The following PRKCB variants were observed in gnomAD, a reference collection of about 807,000 sequenced individuals.
PRKCB encodes protein kinase C beta.
A neutral mutation model predicts 81.5 loss-of-function variants in PRKCB; 13 were observed. The ratio of observed to expected loss-of-function variants is 0.16; its 90% CI spans 0.10 to 0.25. PRKCB has a LOEUF of 0.25. PRKCB is among the 10% of genes least tolerant of loss of function. PRKCB has a pLI of 1.00. For synonymous variants in PRKCB, 335 were observed against 321.4 expected (o/e 1.04, Z -0.45); for missense variants, 509 against 875.7 (o/e 0.58, Z 5.29).
Position 24,215,562 on chromosome 16 carries a change from C to A in PRKCB, c.*746C>A. ...AACAACACAGTCACTCTAGCAAGGC[C>A]CCCAAAGGGCCCTGGTTTTACATTA... On this transcript the variant is annotated 3_prime_UTR_variant, in exon 17 of 17. Coordinates refer to ENST00000643927, the MANE Select transcript of PRKCB (RefSeq NM_002738.7). 1 of 985,598 alleles carries A rather than the reference C, an allele frequency of 1.0e-6. No homozygotes were observed. Among genetic ancestry groups the A allele is most frequent in the Non-Finnish European group, 1.2e-6 (1 of 829,872 alleles). The allele number at this position is 985,598 out of a possible 1,614,324, so 61.1% of individuals were successfully genotyped here.
intron 13 of PRKCB, among the ~76,000 whole-genome samples, chr16:24,182,340 G>A (rs936500935): frequency 2.6e-5 from 4 of 152,024 alleles, no homozygotes; most frequent in African/African-American, 9.7e-5. Context: ...ACAACATAGT[G>A]AGACCCTAAT....
intron 2 of PRKCB, among the ~76,000 whole-genome samples, chr16:23,866,380 A>G (rs1443627208): frequency 6.6e-6 from 1 of 152,246 alleles, no homozygotes; most frequent in Non-Finnish European, 1.5e-5. Context: ...ATTTAAGTTC[A>G]TAAGAAATGC....
chr16:24,175,635 A>G (rs1405617351), intron 12 of PRKCB, among the ~76,000 whole-genome samples: 1 of 151,810 alleles, frequency 6.6e-6, no homozygotes, highest in East Asian at 2.0e-4. Flanking sequence ...GGGTGACTTG[A>G]GAGTCCTGGG....
At chr16:23,872,020 AG>A (rs1405869722) in intron 2 of PRKCB, among the ~76,000 whole-genome samples, 2 of 152,188 alleles carry the variant, frequency 1.3e-5, no homozygotes, top group Non-Finnish European at 2.9e-5. Flanking sequence ...GCTGGCACTC[AG>A]GGGGTGCTCA....
chr16:23,863,146 G>A (rs1567293306), intron 2 of PRKCB, among the ~76,000 whole-genome samples: 3 of 144,146 alleles, frequency 2.1e-5, no homozygotes, highest in Non-Finnish European at 3.0e-5. Flanking sequence ...ATGTGTATGT[G>A]TATATATATA....
chr16:24,034,387 A>G (rs990387212), intron 4 of PRKCB, among the ~76,000 whole-genome samples: 3 of 152,196 alleles, frequency 2.0e-5, no homozygotes, highest in African/African-American at 7.2e-5. Flanking sequence ...GGCTTCTCCA[A>G]CTGGAACTAG....
At chr16:24,123,287 C>T (rs748374161) in intron 8 of PRKCB, among the ~76,000 whole-genome samples, 6 of 152,106 alleles carry the variant, frequency 3.9e-5, no homozygotes, top group East Asian at 3.9e-4. Context: ...TTGGAGGGGC[C>T]TGGGACATCC....
At position 24,045,372 on chromosome 16, in the gene PRKCB, T is replaced by C. The variant is rs184758957; in HGVS notation, c.529+9825T>C. Among the ~76,000 whole-genome samples the C allele has an allele frequency of 1.2e-4, 18 of 152,248 alleles. No homozygotes were observed. The East Asian group carries it at 3.1e-3, about 26-fold the overall frequency. On this transcript the variant is annotated intron_variant, in intron 5 of 16. Transcript: ENST00000643927. Reference sequence around the variant, plus strand: ...TGTGAGCTGGGCCTGTTCTCCGAGTTTCATGGTGTTTGATGTTTTTTGCCT... The same window carrying C: ...TGTGAGCTGGGCCTGTTCTCCGAGTCTCATGGTGTTTGATGTTTTTTGCCT...
Position 24,027,806 on chromosome 16 carries a change from C to A in PRKCB, c.289-4330C>A, listed in dbSNP as rs141324073. Among the ~76,000 whole-genome samples the A allele has an allele frequency of 7.3e-3, 1,112 of 152,256 alleles. 9 individuals carry two copies. Among genetic ancestry groups the A allele is most frequent in the African/African-American group, 0.013 (551 of 41,556 alleles). On this transcript the variant is annotated intron_variant, in intron 3 of 16. Coordinates refer to ENST00000643927, the MANE Select transcript of PRKCB (RefSeq NM_002738.7). ...TTTTTTTGAGACAGGGTCTTGCTCTCCCACCCATGCTGGAGTCCAGTGGCG... is the reference window on the plus strand; with the variant it reads ...TTTTTTTGAGACAGGGTCTTGCTCTACCACCCATGCTGGAGTCCAGTGGCG...
chr16:23,873,033 T>TAA (rs199840034), intron 2 of PRKCB, among the ~76,000 whole-genome samples: 1 of 145,280 alleles, frequency 6.9e-6, no homozygotes, highest in African/African-American at 2.6e-5. Flanking sequence ...AAATAAAAAA[T>TAA]AAAAAAAAAA....
chr16:24,113,480 T>TCTTC (rs761958849), intron 8 of PRKCB, among the ~76,000 whole-genome samples: 1 of 149,990 alleles, frequency 6.7e-6, no homozygotes, highest in Non-Finnish European at 1.5e-5. Flanking sequence ...CTTCTTCCTT[T>TCTTC]CTTCCTTCCT....
At chr16:23,851,948 C>T (rs937467754) in intron 2 of PRKCB, among the ~76,000 whole-genome samples, 1 of 152,058 alleles carries the variant, frequency 6.6e-6, no homozygotes, top group Non-Finnish European at 1.5e-5. Context: ...AGAAACACTA[C>T]TGATTGTATG....
chr16:23,860,449 AAGTCAGG>A, intron 2 of PRKCB, among the ~76,000 whole-genome samples: 1 of 152,152 alleles, frequency 6.6e-6, no homozygotes, highest in Non-Finnish European at 1.5e-5. Flanking sequence ...AAGTCATGAG[AAGTCAGG>A]GATAGAGGTA....
chr16:23,911,978 C>T (rs553701648), intron 2 of PRKCB, among the ~76,000 whole-genome samples: 79 of 151,378 alleles, frequency 5.2e-4, no homozygotes, highest in African/African-American at 1.6e-3. Flanking sequence ...ATTTCAGGTG[C>T]GCACCACCAT....
At chr16:24,128,217 A>G (rs1280509543) in intron 9 of PRKCB, among the ~76,000 whole-genome samples, 1 of 152,200 alleles carries the variant, frequency 6.6e-6, no homozygotes, top group Non-Finnish European at 1.5e-5. Flanking sequence ...TCTACTAAAA[A>G]TACAAAAATT....
chr16:24,124,689 G>A (rs1276567650), intron 9 of PRKCB, among the ~76,000 whole-genome samples: 1 of 152,086 alleles, frequency 6.6e-6, no homozygotes, highest in Non-Finnish European at 1.5e-5. Context: ...GTGTTGTTTT[G>A]GGGTTTTTAG....
intron 2 of PRKCB, among the ~76,000 whole-genome samples, chr16:23,886,404 G>GTTT (rs1963200497): frequency 3.9e-5 from 4 of 103,352 alleles, no homozygotes; most frequent in Non-Finnish European, 7.5e-5. Flanking sequence ...GGTGTGTTAG[G>GTTT]TGTTTTTTTT....
chr16:24,165,889 T>C (rs925457549), intron 10 of PRKCB, among the ~76,000 whole-genome samples: 3 of 132,186 alleles, frequency 2.3e-5, no homozygotes, highest in African/African-American at 3.4e-5. Context: ...CTTTCTTTTT[T>C]TTTTTTTTTT....
chr16:24,155,518 G>T (rs1262773083), intron 10 of PRKCB, among the ~76,000 whole-genome samples: 2 of 152,178 alleles, frequency 1.3e-5, no homozygotes, highest in African/African-American at 4.8e-5. Flanking sequence ...GGATGGAGAG[G>T]CCAGAGCCCA....
Sources: gnomAD v4.1 joint callset for allele counts (sites outside exome capture counted in the v4.1 genomes callset) on GRCh38, gnomAD v4.1.1 for gene constraint, MANE v1.5 for transcripts, NCBI Gene and HGNC (gene_info 2026-07-23, HGNC 2026-07-21) for gene names.